Variants in CRACR2A observed in about 807,000 individuals in gnomAD.
The protein encoded by CRACR2A is calcium release activated channel regulator 2A, also known as EF-hand calcium-binding domain-containing protein 4B.
A neutral mutation model predicts 90.5 loss-of-function variants in CRACR2A; 79 were observed. That is an observed-to-expected ratio of 0.87 (90% CI 0.73 to 1.05). CRACR2A has a LOEUF of 1.05. Among genes scored for constraint, CRACR2A ranks in the 50% least tolerant of loss-of-function variants. The probability of loss-of-function intolerance (pLI) is 0.00; values close to 1 mark genes in which losing one functional copy is unlikely to be tolerated. For synonymous variants in CRACR2A, 338 were observed against 356.7 expected, an observed-to-expected ratio of 0.95 and a Z score of 0.59; for missense variants, 823 against 897.2, an observed-to-expected ratio of 0.92 and a Z score of 1.06.
intron 12 of CRACR2A, among the ~76,000 whole-genome samples, chr12:3,643,650 C>A (rs889452080): frequency 6.7e-6 from 1 of 148,704 alleles, no homozygotes; most frequent in South Asian, 2.1e-4. Flanking sequence ...CAGTGAAGAC[C>A]TTCAAATAAA....
chr12:3,681,978 A>G (rs1945463665), intron 4 of CRACR2A, among the ~76,000 whole-genome samples: 1 of 152,210 alleles, frequency 6.6e-6, no homozygotes, highest in Non-Finnish European at 1.5e-5. Context: ...CTGGAAGTAT[A>G]TCTGCTTAGC....
At chr12:3,747,156 TG>T (rs1946638882) in intron 1 of CRACR2A, among the ~76,000 whole-genome samples, 1 of 152,206 alleles carries the variant, frequency 6.6e-6, no homozygotes, top group South Asian at 2.1e-4. Context: ...CCAGACTGCC[TG>T]GGTTCAAATC....
chr12:3,708,325 A>G (rs1171022239), intron 3 of CRACR2A, among the ~76,000 whole-genome samples: 3 of 152,200 alleles, frequency 2.0e-5, no homozygotes, highest in African/African-American at 7.2e-5. Flanking sequence ...CTGGGGACAG[A>G]GGCTGGAACT....
intron 6 of CRACR2A, among the ~76,000 whole-genome samples, chr12:3,678,627 G>T (rs893274444): frequency 6.6e-6 from 1 of 152,096 alleles, no homozygotes; most frequent in African/African-American, 2.4e-5. Flanking sequence ...AAGGACTGGG[G>T]GATAATGCAT....
chr12:3,746,620 C>T lies in CRACR2A; in HGVS notation c.-387+6395G>A, dbSNP rs1308673757. Among the ~76,000 whole-genome samples, 2 of 152,206 alleles carry T rather than the reference C, an allele frequency of 1.3e-5. No homozygotes were observed. The highest frequency in any genetic ancestry group is 4.8e-5 in the African/African-American group (2 of 41,454). On this transcript the variant is annotated intron_variant, in intron 1 of 19. Transcript: ENST00000440314. This position sits in a 1 kb window ranked among gnomAD's most constrained non-coding sequence, Gnocchi z 4.4. Reference sequence around the variant, plus strand: ...TTCTGTCTGCCAGAACAAAGACATCCCCTCAAAGGGAGTATGCATGCCTAC... The same window carrying T: ...TTCTGTCTGCCAGAACAAAGACATCTCCTCAAAGGGAGTATGCATGCCTAC...
chr12:3,628,914 G>A (rs1173459562), intron 15 of CRACR2A, among the ~76,000 whole-genome samples: 1 of 152,204 alleles, frequency 6.6e-6, no homozygotes, highest in Non-Finnish European at 1.5e-5. Flanking sequence ...CCACGAGTGA[G>A]GAGACGTGGG....
Position 3,716,070 on chromosome 12 carries a change from T to C in CRACR2A, c.-117-2753A>G, listed in dbSNP as rs564367941. Reference sequence around the variant, plus strand: ...GACACTCTCCCAGGCTTTTTTTTTTTTTCTTTTTAGGTGTTTTTCTTCTAA... The same window carrying C: ...GACACTCTCCCAGGCTTTTTTTTTTCTTCTTTTTAGGTGTTTTTCTTCTAA... On this transcript the variant is annotated intron_variant, in intron 2 of 19. Coordinates refer to ENST00000440314, the MANE Select transcript of CRACR2A (RefSeq NM_001144958.2). Among the ~76,000 whole-genome samples the C allele has an allele frequency of 6.6e-5, 10 of 152,202 alleles. No homozygotes were observed. In the East Asian group the frequency reaches 1.9e-3, roughly 29 times the overall value.
At chr12:3,660,330 C>A (rs1945006031) in intron 7 of CRACR2A, among the ~76,000 whole-genome samples, 1 of 152,214 alleles carries the variant, frequency 6.6e-6, no homozygotes, top group African/African-American at 2.4e-5. Flanking sequence ...AGGGCACAGG[C>A]AGACAGTGTG....
intron 2 of CRACR2A, among the ~76,000 whole-genome samples, chr12:3,714,835 A>G (rs2137783290): frequency 6.6e-6 from 1 of 152,374 alleles, no homozygotes; most frequent in South Asian, 2.1e-4. Flanking sequence ...TATGGTTTAC[A>G]AAGCAATTTC....
intron 2 of CRACR2A, among the ~76,000 whole-genome samples, chr12:3,717,760 A>G (rs939582504): frequency 2.0e-5 from 3 of 152,208 alleles, no homozygotes; most frequent in African/African-American, 7.2e-5. Context: ...CCTGGTTGAC[A>G]GCTGTGGAGG....
intron 4 of CRACR2A, among the ~76,000 whole-genome samples, chr12:3,696,484 G>T (rs529702239): frequency 2.7e-5 from 4 of 147,212 alleles, no homozygotes; most frequent in Non-Finnish European, 6.2e-5. Flanking sequence ...GGTTCTTCTC[G>T]TGTCTTACTT....
At chr12:3,667,224 A>G (rs74593770) in intron 7 of CRACR2A, among the ~76,000 whole-genome samples, 238 of 152,348 alleles carry the variant, frequency 1.6e-3, no homozygotes, top group Middle Eastern at 6.8e-3. Context: ...CCAAATTTCC[A>G]AGGGTCAGAG....
chr12:3,638,764 G>A (rs1037891023), intron 13 of CRACR2A, among the ~76,000 whole-genome samples: 2 of 152,218 alleles, frequency 1.3e-5, no homozygotes, highest in Admixed American at 6.5e-5. Context: ...ACTTGATTTA[G>A]TGGGGGACTA....
intron 15 of CRACR2A, among the ~76,000 whole-genome samples, chr12:3,630,836 C>T (rs1331556412): frequency 1.3e-5 from 2 of 152,252 alleles, no homozygotes; most frequent in African/African-American, 2.4e-5. Flanking sequence ...ACTGGAGCAA[C>T]TGGCATTTCA....
At chr12:3,696,345 G>A (rs1015650055) in intron 4 of CRACR2A, among the ~76,000 whole-genome samples, 1 of 152,214 alleles carries the variant, frequency 6.6e-6, no homozygotes, top group African/African-American at 2.4e-5. Context: ...GGCGAGACAT[G>A]GGTAAAATGA....
At chr12:3,623,020 G>T (rs1039506547) in intron 17 of CRACR2A, among the ~76,000 whole-genome samples, 5 of 152,200 alleles carry the variant, frequency 3.3e-5, no homozygotes, top group African/African-American at 9.6e-5. Context: ...AGTGGGCCAG[G>T]ACCCCTTGAG....
intron 2 of CRACR2A, among the ~76,000 whole-genome samples, chr12:3,718,771 G>A (rs944057750): frequency 1.2e-4 from 19 of 152,164 alleles, no homozygotes; most frequent in Non-Finnish European, 2.2e-4. Flanking sequence ...GATGTGCAGC[G>A]CTGGTCTGGA....
intron 10 of CRACR2A, among the ~76,000 whole-genome samples, chr12:3,650,227 C>T (rs1228054958): frequency 6.6e-6 from 1 of 152,210 alleles, no homozygotes; most frequent in Non-Finnish European, 1.5e-5. Context: ...CATTACTGAG[C>T]TGGCAAAAAC....
chr12:3,628,861 C>T (rs1944327323), intron 15 of CRACR2A, among the ~76,000 whole-genome samples: 1 of 152,122 alleles, frequency 6.6e-6, no homozygotes, highest in Admixed American at 6.5e-5. Flanking sequence ...TGGAAACGGT[C>T]ATCCCAGCCA....
Sources: allele counts gnomAD v4.1 joint callset (sites outside exome capture counted in the v4.1 genomes callset), GRCh38; gene constraint gnomAD v4.1.1; non-coding constraint Gnocchi (gnomAD v3.1); transcripts MANE v1.5; gene names NCBI Gene and HGNC (gene_info 2026-07-23, HGNC 2026-07-21).